Variants in RAB27B observed in about 807,000 individuals in gnomAD.
The protein encoded by RAB27B is RAB27B, member RAS oncogene family, also known as ras-related protein Rab-27B.
Under a neutral mutation model 24.6 loss-of-function variants are expected in RAB27B, and 15 were observed. The observed-to-expected ratio is 0.61, with a 90% CI of 0.41 to 0.94. The LOEUF (loss-of-function observed/expected upper bound fraction) is 0.94. Among genes scored for constraint, RAB27B ranks in the 40% least tolerant of loss-of-function variants. RAB27B has a pLI of 0.00. For missense variants in RAB27B, 261 were observed against 266.8 expected (o/e 0.98, Z 0.15); for synonymous variants, 105 against 92.5 (o/e 1.14, Z -0.78).
upstream of RAB27B, among the ~76,000 whole-genome samples, chr18:54,824,553 G>T (rs1311229284): frequency 6.6e-6 from 1 of 152,144 alleles, no homozygotes; most frequent in African/African-American, 2.4e-5. Context: ...TTGGTTCTTC[G>T]CATCTGCGCA....
intron 2 of RAB27B, among the ~76,000 whole-genome samples, chr18:54,822,779 A>G (rs1326118792): frequency 6.6e-6 from 1 of 152,134 alleles, no homozygotes; most frequent in East Asian, 1.9e-4. Context: ...TTTAATAAAG[A>G]TGTCAAATAT....
intron 2 of RAB27B, among the ~76,000 whole-genome samples, chr18:54,732,869 A>G (rs1340152790): frequency 6.6e-6 from 1 of 152,148 alleles, no homozygotes; most frequent in Non-Finnish European, 1.5e-5. Flanking sequence ...ATCAATAGTA[A>G]CCTTGATACA....
In RAB27B at chr18:54,890,599, A is replaced by G. The variant is rs1043532023; in HGVS notation, c.*1186A>G. The G allele has an allele frequency of 1.3e-5, 2 of 152,198 alleles. No homozygotes were observed. The highest frequency in any genetic ancestry group is 2.9e-5 in the Non-Finnish European group (2 of 68,024). 9.4% of individuals were successfully genotyped at this position (152,198 alleles called of 1,614,324 possible). A position where few individuals can be genotyped will look rare whatever the true frequency, so the allele number is the denominator to read the frequency against. ...TACTTTGTTGATCAATAACTTTGGAACAATTATGGATCAATTCTATGGTCA... is the reference window on the plus strand; with the variant it reads ...TACTTTGTTGATCAATAACTTTGGAGCAATTATGGATCAATTCTATGGTCA... On this transcript the variant is annotated 3_prime_UTR_variant, in exon 6 of 6. Transcript: ENST00000262094.
At chr18:54,823,884 CAA>C (rs1272674000), upstream of RAB27B, among the ~76,000 whole-genome samples, 1 of 152,024 alleles carries the variant, frequency 6.6e-6, no homozygotes, top group Non-Finnish European at 1.5e-5. Flanking sequence ...TAATTTAAAA[CAA>C]AATCAAAATC....
intron 2 of RAB27B, among the ~76,000 whole-genome samples, chr18:54,772,489 G>A (rs1401654499): frequency 1.3e-5 from 2 of 152,142 alleles, no homozygotes; most frequent in African/African-American, 2.4e-5. Context: ...CATGTTGATT[G>A]TTCCTACGAT....
chr18:54,765,622 G>A (rs568126719), intron 2 of RAB27B, among the ~76,000 whole-genome samples: 1 of 152,224 alleles, frequency 6.6e-6, no homozygotes, highest in Non-Finnish European at 1.5e-5. Flanking sequence ...CTGCCTTAGG[G>A]TTTTGCTTAC....
chr18:54,856,918 A>G (rs1197859513), intron 1 of RAB27B, among the ~76,000 whole-genome samples: 1 of 151,926 alleles, frequency 6.6e-6, no homozygotes, highest in African/African-American at 2.4e-5. Flanking sequence ...TAAAACCCAC[A>G]CTCTTTCTTT....
chr18:54,804,892 C>CTTTCTCTCTT, intron 2 of RAB27B, among the ~76,000 whole-genome samples: 1 of 47,908 alleles, frequency 2.1e-5, no homozygotes, highest in Admixed American at 2.2e-4. Flanking sequence ...TTCTTTCTTT[C>CTTTCTCTCTT]TCTTTCTCTC....
chr18:54,834,607 AATAG>A (rs779669500), intron 1 of RAB27B, among the ~76,000 whole-genome samples: 7 of 152,086 alleles, frequency 4.6e-5, no homozygotes, highest in South Asian at 2.1e-4. Flanking sequence ...GAGATAGATA[AATAG>A]ATAGATAACC....
At chr18:54,809,021 G>A (rs1281508591) in intron 2 of RAB27B, among the ~76,000 whole-genome samples, 1 of 152,162 alleles carries the variant, frequency 6.6e-6, no homozygotes, top group Non-Finnish European at 1.5e-5. Flanking sequence ...AGTGCAATTA[G>A]TACATGATCA....
intron 1 of RAB27B, among the ~76,000 whole-genome samples, chr18:54,846,596 T>A (rs1310512266): frequency 2.0e-5 from 3 of 152,246 alleles, no homozygotes; most frequent in Non-Finnish European, 4.4e-5. Flanking sequence ...AGAGAACCTT[T>A]GATACCTACC....
In RAB27B at chr18:54,855,495, A is replaced by G. The variant is rs118068253; in HGVS notation, c.-19-22072A>G. 8.1e-4 allele frequency among the ~76,000 whole-genome samples: 124 copies of G among 152,342 alleles called. 1 individual carries two copies. Among genetic ancestry groups the G allele is most frequent in the East Asian group, 6.4e-3 (33 of 5,188 alleles). On this transcript the variant is annotated intron_variant, in intron 1 of 5. Coordinates refer to ENST00000262094, the MANE Select transcript of RAB27B (RefSeq NM_004163.4). ...TCTGTTGCTCCATTAGCAGCCTTGG[A>G]TACAAGATAGAAGTAAGCATTTGAG...
intron 1 of RAB27B, among the ~76,000 whole-genome samples, chr18:54,850,449 G>A (rs1225888405): frequency 6.7e-6 from 1 of 149,898 alleles, no homozygotes; most frequent in African/African-American, 2.5e-5. Flanking sequence ...TCGGCTCACT[G>A]CATCCTCTGC....
At chr18:54,771,019 T>A (rs1386697532) in intron 2 of RAB27B, among the ~76,000 whole-genome samples, 6 of 152,162 alleles carry the variant, frequency 3.9e-5, no homozygotes, top group Non-Finnish European at 8.8e-5. Flanking sequence ...TGGCTAGACA[T>A]GAACAGATGT....
At chr18:54,734,618 CT>C (rs1199394628) in intron 2 of RAB27B, among the ~76,000 whole-genome samples, 1 of 152,056 alleles carries the variant, frequency 6.6e-6, no homozygotes, top group African/African-American at 2.4e-5. Context: ...TCTCCAAAGC[CT>C]TTTTAAAAAG....
At chr18:54,738,149 T>C (rs1909956791) in intron 2 of RAB27B, among the ~76,000 whole-genome samples, 1 of 152,334 alleles carries the variant, frequency 6.6e-6, no homozygotes, top group East Asian at 1.9e-4. Context: ...CACTGAGTCA[T>C]AATCTTGTCT....
intron 1 of RAB27B, among the ~76,000 whole-genome samples, chr18:54,863,372 G>T (rs1321371075): frequency 6.6e-6 from 1 of 152,036 alleles, no homozygotes; most frequent in African/African-American, 2.4e-5. Context: ...GTTTCAGGAG[G>T]GTATTATTGT....
intron 2 of RAB27B, among the ~76,000 whole-genome samples, chr18:54,756,773 T>C (rs1424717100): frequency 1.3e-5 from 2 of 152,194 alleles, no homozygotes; most frequent in Non-Finnish European, 2.9e-5. Flanking sequence ...AGGTGACAGA[T>C]ACAGGAATAC....
intron 2 of RAB27B, among the ~76,000 whole-genome samples, chr18:54,769,424 G>A (rs770227607): frequency 2.0e-5 from 3 of 150,398 alleles, no homozygotes; most frequent in Non-Finnish European, 4.4e-5. Context: ...TCTAGAAATA[G>A]CCTCTTTTAT....
Sources: gnomAD v4.1 joint callset for allele counts (sites outside exome capture counted in the v4.1 genomes callset) on GRCh38, gnomAD v4.1.1 for gene constraint, MANE v1.5 for transcripts, NCBI Gene and HGNC (gene_info 2026-07-23, HGNC 2026-07-21) for gene names.